MLKL: variants seen among roughly 807,000 people sequenced by gnomAD.
The protein encoded by MLKL is mixed lineage kinase domain-like protein.
Under a neutral mutation model 56.5 loss-of-function variants are expected in MLKL, and 55 were observed. That is an observed-to-expected ratio of 0.97 (90% CI 0.78 to 1.22). The LOEUF (loss-of-function observed/expected upper bound fraction) is 1.22, where lower values mean the gene tolerates loss of function less well. Among genes scored for constraint, MLKL ranks in the 50% most tolerant of loss-of-function variants. MLKL has a pLI of 0.00. For missense variants in MLKL, 694 were observed against 573.9 expected, an observed-to-expected ratio of 1.21 and a Z score of -2.14; for synonymous variants, 251 against 208.3, an observed-to-expected ratio of 1.20 and a Z score of -1.76.
chr16:74,676,611 G>C, intron 7 of MLKL: 1 of 350,598 alleles, frequency 2.9e-6, no homozygotes, highest in Non-Finnish European at 4.0e-6. Context: ...AAGAGCGTGA[G>C]AGTAGTAGAA....
At chr16:74,676,578 G>A (rs1055592808) in intron 7 of MLKL, 12 of 573,504 alleles carry the variant, frequency 2.1e-5, no homozygotes, top group Non-Finnish European at 2.6e-5. Context: ...GTGGAATAGC[G>A]CATCTTATAG....
chr16:74,672,387 G>A lies in MLKL; in HGVS notation c.*117C>T, dbSNP rs1959280387. 1 of 868,754 alleles carries A rather than the reference G, an allele frequency of 1.2e-6. No individual in the cohort carries two copies. 53.8% of individuals were successfully genotyped at this position (868,754 alleles called of 1,614,324 possible). A position where few individuals can be genotyped will look rare whatever the true frequency, so the allele number is the denominator to read the frequency against. On this transcript the variant is annotated 3_prime_UTR_variant, in exon 11 of 11. Transcript: ENST00000308807. ...TTTTCTATTTGTAACAGAGAAGCGT[G>A]CCCACTCCTTGCACCCATAGATAAC...
chr16:74,699,477 T>C (rs1681712475), intron 1 of MLKL, among the ~76,000 whole-genome samples: 1 of 152,174 alleles, frequency 6.6e-6, no homozygotes. Context: ...TCTTATTAAG[T>C]ATATGATCTA....
At chr16:74,691,599 T>C (rs1471824679) in intron 3 of MLKL, 136 bp from the exon 4 acceptor site, 2 of 938,872 alleles carry the variant, frequency 2.1e-6, no homozygotes, top group Admixed American at 2.7e-5. Context: ...GGCTGGGGCT[T>C]CTGATGGACT....
chr16:74,693,766 T>G (rs1960840499), intron 2 of MLKL, among the ~76,000 whole-genome samples: 1 of 151,596 alleles, frequency 6.6e-6, no homozygotes, highest in Admixed American at 6.6e-5. Context: ...ACCTCGCCCG[T>G]CTAATTTTTT....
intron 4 of MLKL, among the ~76,000 whole-genome samples, chr16:74,687,459 T>G (rs1277022180): frequency 6.6e-6 from 1 of 151,908 alleles, no homozygotes; most frequent in African/African-American, 2.4e-5. Context: ...AAGATATTCC[T>G]AAAATTTGTG....
Position 74,695,602 on chromosome 16 carries a change from G to C in MLKL, c.156C>G (p.Ser52Arg), listed in dbSNP as rs760844660. 1.9e-6 allele frequency: 3 copies of C among 1,614,168 alleles called. No homozygotes were observed. Among genetic ancestry groups the C allele is most frequent in the South Asian group, 2.2e-5 (2 of 91,086 alleles). The change falls in exon 2 of 11, where the codon AGC becomes AGG. Residue 52 changes from serine (S) to arginine (R), a missense_variant. Ser to Arg is a moderately radical substitution (Grantham distance 110). Coordinates refer to ENST00000308807, the MANE Select transcript of MLKL (RefSeq NM_152649.4). Reference sequence around the variant, plus strand: ...CTGTGGTTAACTTCTCAGAGGGCACGCTCCTCTTTCCTTGGTCCTGGAGCA... The same window carrying C: ...CTGTGGTTAACTTCTCAGAGGGCACCCTCCTCTTTCCTTGGTCCTGGAGCA... ...LEMLQDQGKRSVPSEKLTTAM... is the reference protein window; with the variant it reads ...LEMLQDQGKRRVPSEKLTTAM...
chr16:74,676,844 C>A (rs972561350), intron 7 of MLKL: 20 of 152,326 alleles, frequency 1.3e-4, no homozygotes, highest in African/African-American at 4.6e-4. Flanking sequence ...GTATGAAAAT[C>A]TGACTTCCAG....
At chr16:74,687,492 T>G (rs1476255885) in intron 4 of MLKL, among the ~76,000 whole-genome samples, 1 of 151,976 alleles carries the variant, frequency 6.6e-6, no homozygotes, top group Admixed American at 6.6e-5. Flanking sequence ...GAATTCAGGA[T>G]AGCCAAGACA....
chr16:74,689,999 T>C (rs1393085106), intron 4 of MLKL, among the ~76,000 whole-genome samples: 1 of 152,072 alleles, frequency 6.6e-6, no homozygotes, highest in Admixed American at 6.5e-5. Flanking sequence ...AGAGCACAAA[T>C]AAAAAGCTTG....
chr16:74,676,218 T>C, intron 7 of MLKL: 1 of 992,552 alleles, frequency 1.0e-6, no homozygotes, highest in Admixed American at 5.7e-5. Flanking sequence ...CCCTCTGTGC[T>C]ATCTGACTTT....
intron 1 of MLKL, among the ~76,000 whole-genome samples, chr16:74,697,408 G>C: frequency 6.6e-6 from 1 of 152,074 alleles, no homozygotes; most frequent in East Asian, 1.9e-4. Flanking sequence ...AATCATGTTT[G>C]CTTTATTTGC....
chr16:74,696,731 G>A (rs1961065212), intron 1 of MLKL, among the ~76,000 whole-genome samples: 1 of 151,486 alleles, frequency 6.6e-6, no homozygotes, highest in African/African-American at 2.4e-5. Flanking sequence ...GCTGAGGTGG[G>A]CGGATCACTT....
At chr16:74,698,055 A>C (rs1306388270) in intron 1 of MLKL, among the ~76,000 whole-genome samples, 1 of 151,134 alleles carries the variant, frequency 6.6e-6, no homozygotes, top group East Asian at 2.0e-4. Context: ...AAATACAAAA[A>C]TTTGCTGGAT....
chr16:74,675,454 C>A, intron 8 of MLKL, 50 bp from the exon 9 acceptor site: 2 of 1,600,962 alleles, frequency 1.2e-6, no homozygotes, highest in South Asian at 2.2e-5. Context: ...TCCCCTTTCC[C>A]CTGTCCCTCT....
chr16:74,698,260 G>T (rs1961169374), intron 1 of MLKL, among the ~76,000 whole-genome samples: 1 of 145,834 alleles, frequency 6.9e-6, no homozygotes, highest in Non-Finnish European at 1.5e-5. Flanking sequence ...AACAAAGTTA[G>T]TTTTTTTTTT....
intron 7 of MLKL, chr16:74,676,576 G>A: frequency 1.6e-6 from 1 of 617,360 alleles, no homozygotes; most frequent in Non-Finnish European, 2.0e-6. Flanking sequence ...AGGTGGAATA[G>A]CGCATCTTAT....
chr16:74,683,678 A>G (rs1960137614), intron 5 of MLKL, among the ~76,000 whole-genome samples: 1 of 151,496 alleles, frequency 6.6e-6, no homozygotes, highest in African/African-American at 2.4e-5. Flanking sequence ...TTTCTTGAGC[A>G]GTTATTTGGC....
At chr16:74,675,205 A>T in intron 9 of MLKL, 105 bp from the exon 10 acceptor site, 1 of 1,558,432 alleles carries the variant, frequency 6.4e-7, no homozygotes, top group Non-Finnish European at 8.7e-7. Flanking sequence ...GTATGGAAAC[A>T]ACAAGAACTT....
Sources: gnomAD v4.1 joint callset for allele counts (sites outside exome capture counted in the v4.1 genomes callset) on GRCh38, gnomAD v4.1.1 for gene constraint, MANE v1.5 for transcripts, NCBI Gene and HGNC (gene_info 2026-07-23, HGNC 2026-07-21) for gene names.